NBPF10: variants seen among roughly 807,000 people sequenced by gnomAD.
NBPF10 encodes NBPF family member NBPF10.
A neutral mutation model predicts 77.9 loss-of-function variants in NBPF10; 63 were observed. That is an observed-to-expected ratio of 0.81 (90% CI 0.66 to 1.00). NBPF10 has a LOEUF of 1.00. Among genes scored for constraint, NBPF10 ranks in the 50% least tolerant of loss-of-function variants. The pLI, the probability that NBPF10 is intolerant of heterozygous loss-of-function variation, is 0.00. For synonymous variants in NBPF10, 146 were observed against 264.5 expected (o/e 0.55, Z 4.35); for missense variants, 522 against 679.8 (o/e 0.77, Z 2.58).
chr1:146,127,183 G>A, intron 12 of NBPF10, 104 bp from the exon 13 acceptor site: 1 of 589,674 alleles, frequency 1.7e-6, no homozygotes, highest in Non-Finnish European at 2.9e-6. Flanking sequence ...TTGTCAGTGT[G>A]AGAACAGGAG....
intron 19 of NBPF10, among the ~76,000 whole-genome samples, chr1:146,121,876 G>C (rs1658215856): frequency 1.3e-5 from 2 of 149,050 alleles, no homozygotes; most frequent in African/African-American, 2.5e-5. Context: ...GAGAGAGACA[G>C]AGACAGAGAC....
At chr1:146,139,240 C>T (rs1336718283) in intron 5 of NBPF10, among the ~76,000 whole-genome samples, 1,825 of 148,032 alleles carry the variant, frequency 0.012, 1 homozygote, top group Non-Finnish European at 0.021. Flanking sequence ...GCTGGGACTA[C>T]AGGCGCCCAC....
rs1314933390 is a variant in NBPF10 at position 146,123,829 on chromosome 1, A to C, written c.2303+98T>G. ...AGTAGGAATAATTCAGGCTTGGTTG[A>C]AGAGATGTAATCGATAATGTCAGCC... On this transcript the variant is annotated intron_variant, in intron 17 of 89. Coordinates refer to ENST00000583866, the Ensembl canonical transcript of NBPF10. 7.9e-6 allele frequency: 3 copies of C among 379,766 alleles called. 1 individual carries two copies. The highest frequency in any genetic ancestry group is 6.5e-5 in the South Asian group (3 of 46,082). The allele number at this position is 379,766 out of a possible 1,614,324, so 23.5% of individuals were successfully genotyped here.
chr1:146,140,846 CCCCATCCTG>C (rs1660217822), intron 3 of NBPF10, among the ~76,000 whole-genome samples: 1 of 97,672 alleles, frequency 1.0e-5, no homozygotes, highest in Non-Finnish European at 2.4e-5. Context: ...CAGCTGTCTC[CCCCATCCTG>C]CCACAGATCT....
At chr1:146,126,347 A>T (rs1553789919) in exon 14 of NBPF10, 3 of 1,355,006 alleles carry the variant, frequency 2.2e-6, no homozygotes, top group Admixed American at 3.4e-5. Flanking sequence ...GTTGAATAAC[A>T]TCTATCCTGT....
intron 89 of NBPF10, among the ~76,000 whole-genome samples, chr1:146,066,957 G>A (rs587707398): frequency 6.9e-5 from 10 of 145,452 alleles, no homozygotes; most frequent in African/African-American, 2.4e-4. Flanking sequence ...GGCCATGAGA[G>A]TACAGCTTTT....
rs4996271 is a variant in NBPF10, at chr1:146,141,907, G to C, written c.279-89C>G. 58 of 1,140,022 alleles carry C rather than the reference G, an allele frequency of 5.1e-5. 1 individual carries two copies. Among genetic ancestry groups the C allele is most frequent in the Middle Eastern group, 2.7e-4 (1 of 3,660 alleles). The allele number at this position is 1,140,022 out of a possible 1,614,324, so 70.6% of individuals were successfully genotyped here. ...CAACAGAGACTTCTGAGACAATGTC[G>C]TCAAGGAGACCTCCAAGCAGAAGGT... On this transcript the variant is annotated intron_variant, in intron 2 of 89. Transcript: ENST00000583866.
chr1:146,121,880 C>A (rs1274094905), intron 19 of NBPF10, among the ~76,000 whole-genome samples: 2 of 149,128 alleles, frequency 1.3e-5, no homozygotes, highest in East Asian at 2.0e-4. Flanking sequence ...GAGACAGAGA[C>A]AGAGACAGAG....
At chr1:146,143,998 T>C (rs1373230322) in intron 1 of NBPF10, among the ~76,000 whole-genome samples, 3 of 149,618 alleles carry the variant, frequency 2.0e-5, no homozygotes, top group Non-Finnish European at 4.4e-5. Flanking sequence ...TCTGCCCGCC[T>C]CAGCCTCCCA....
intron 71 of NBPF10, among the ~76,000 whole-genome samples, chr1:146,081,011 A>G (rs1246037613): frequency 8.7e-5 from 7 of 80,620 alleles, no homozygotes; most frequent in Non-Finnish European, 1.4e-4. Flanking sequence ...ACACACACAC[A>G]CACACACACA....
At chr1:146,123,857 C>A in intron 17 of NBPF10, 70 bp downstream of exon 17, 2 of 372,270 alleles carry the variant, frequency 5.4e-6, no homozygotes, top group Non-Finnish European at 9.0e-6. Context: ...TGTCAGCCCG[C>A]TCTGTTTTCC....
rs782289264 is a variant in NBPF10 at position 146,126,241 on chromosome 1, A to C, written c.2021T>G (p.Met674Arg). 16 of 1,605,892 alleles carry C rather than the reference A, an allele frequency of 1.0e-5. No individual in the cohort carries two copies. The African/African-American group carries it at 1.7e-4, about 18-fold the overall frequency. ...CTTCATAGAAAGGTACTCACCATCC[A>C]TGTCAATAGCCAAGCCAACACGCTG... Residue 674 changes from methionine to arginine, a missense_variant, in exon 14 of 90, where the codon ATG becomes AGG. Physicochemically the swap from Met to Arg is moderately conservative, Grantham distance 91 (BLOSUM62 -1). Coordinates refer to ENST00000583866, the Ensembl canonical transcript of NBPF10.
At chr1:146,142,377 G>A (rs1278388753) in intron 2 of NBPF10, among the ~76,000 whole-genome samples, 1 of 133,726 alleles carries the variant, frequency 7.5e-6, no homozygotes, top group African/African-American at 2.5e-5. Context: ...GCTGCTGGGT[G>A]GTTCCCACTC....
At chr1:146,067,468 C>G (rs1289089257) in intron 88 of NBPF10, among the ~76,000 whole-genome samples, 180 bp from the exon 89 acceptor site, 17 of 135,908 alleles carry the variant, frequency 1.3e-4, no homozygotes, top group Non-Finnish European at 4.7e-5. Flanking sequence ...GGTTTTTCTC[C>G]CAGAAACTGT....
At position 146,069,691 on chromosome 1, in the gene NBPF10, C is replaced by T; in HGVS notation, c.10662G>A (p.Glu3554=). 6.0e-6 allele frequency: 5 copies of T among 838,302 alleles called. No individual in the cohort carries two copies. The South Asian group carries it at 6.6e-5, about 11-fold the overall frequency. The allele number at this position is 838,302 out of a possible 1,614,324, so 51.9% of individuals were successfully genotyped here. A position where few individuals can be genotyped will look rare whatever the true frequency, so the allele number is the denominator to read the frequency against. ...AGTCCTGCAAGACTTCAGGCCCTTTCTCATCCAGCAGCTCCCTGCTGAGCC... is the reference window on the plus strand; with the variant it reads ...AGTCCTGCAAGACTTCAGGCCCTTTTTCATCCAGCAGCTCCCTGCTGAGCC... Residue 3554 remains glutamate (E), a synonymous_variant, in exon 86 of 90, where the codon GAG becomes GAA. Coordinates refer to ENST00000583866, the Ensembl canonical transcript of NBPF10.
chr1:146,139,374 G>T (rs1224880203), intron 5 of NBPF10, among the ~76,000 whole-genome samples: 2 of 151,878 alleles, frequency 1.3e-5, no homozygotes, highest in Non-Finnish European at 2.9e-5. Flanking sequence ...CTCCCAAAGT[G>T]CTCGGATTAC....
intron 13 of NBPF10, among the ~76,000 whole-genome samples, 184 bp from the exon 14 acceptor site, chr1:146,126,592 G>A (rs1358290456): frequency 6.5e-5 from 6 of 92,044 alleles, no homozygotes; most frequent in Middle Eastern, 8.8e-3. Flanking sequence ...GGATGAACGA[G>A]AAAGACACAC....
rs782120049 is a variant in NBPF10, at chr1:146,126,403, C to G, written c.1859G>C (p.Ser620Thr). 3.2e-5 allele frequency: 41 copies of G among 1,262,028 alleles called. No homozygotes were observed. The East Asian group carries it at 4.6e-4, about 14-fold the overall frequency. 78.2% of individuals were successfully genotyped at this position (1,262,028 alleles called of 1,614,324 possible). Reference sequence around the variant, plus strand: ...CCCTTTCTCATCCAGCAGCTCCCTGCTGAGCGTGGAAAAGTAGGAAAAAGT... The same window carrying G: ...CCCTTTCTCATCCAGCAGCTCCCTGGTGAGCGTGGAAAAGTAGGAAAAAGT... The change falls in exon 14 of 90, where the codon AGC (serine) becomes ACC (threonine). Residue 620 changes from serine to threonine, a missense_variant. By Grantham distance (58) the Ser-to-Thr change is moderately conservative. Transcript: ENST00000583866.
exon 14 of NBPF10, chr1:146,126,281 A>G (rs587713584): frequency 8.1e-6 from 13 of 1,606,318 alleles, no homozygotes; most frequent in Non-Finnish European, 1.0e-5. Flanking sequence ...TCCAATATGT[A>G]AAAGGCACTT....
Sources: gnomAD v4.1 joint callset for allele counts (sites outside exome capture counted in the v4.1 genomes callset) on GRCh38, gnomAD v4.1.1 for gene constraint, MANE v1.5 for transcripts, NCBI Gene and HGNC (gene_info 2026-07-23, HGNC 2026-07-21) for gene names.